Variants in TJP1 observed in about 807,000 individuals in gnomAD.
The protein encoded by TJP1 is tight junction protein ZO-1.
A neutral mutation model predicts 194.2 loss-of-function variants in TJP1; 43 were observed. That is an observed-to-expected ratio of 0.22 (90% CI 0.17 to 0.29). The LOEUF is 0.29. TJP1 is among the 10% of genes least tolerant of loss of function. TJP1 has a pLI of 1.00. For missense variants in TJP1, 1,971 were observed against 2,185.7 expected (o/e 0.90, Z 1.96); for synonymous variants, 801 against 779.0 (o/e 1.03, Z -0.47).
intron 2 of TJP1, among the ~76,000 whole-genome samples, chr15:29,919,495 T>C (rs1567196675): frequency 6.6e-6 from 1 of 152,182 alleles, no homozygotes. Flanking sequence ...GCAGTTTTCA[T>C]TCTAAGGCGG....
At chr15:29,911,847 G>A (rs1299486747) in intron 2 of TJP1, among the ~76,000 whole-genome samples, 1 of 152,154 alleles carries the variant, frequency 6.6e-6, no homozygotes, top group Non-Finnish European at 1.5e-5. Context: ...TAAGACTCAG[G>A]CTCTGGGAAC....
At chr15:29,913,738 G>A (rs2054095673) in intron 2 of TJP1, among the ~76,000 whole-genome samples, 1 of 152,096 alleles carries the variant, frequency 6.6e-6, no homozygotes, top group Admixed American at 6.6e-5. Context: ...AGTGTTGAGG[G>A]AGAGGAAGGG....
chr15:29,708,661 G>A lies in TJP1; in HGVS notation c.4748C>T (p.Pro1583Leu), dbSNP rs749943900. The A allele has an allele frequency of 6.2e-7, 1 of 1,614,102 alleles. No homozygotes were observed. Among genetic ancestry groups the A allele is most frequent in the Admixed American group, 1.7e-5 (1 of 60,010 alleles). Residue 1583 changes from proline to leucine, a missense_variant, in exon 25 of 28, where the codon CCT (proline) becomes CTT (leucine). Physicochemically the swap from Pro to Leu is moderately conservative, Grantham distance 98. Around this residue, in one of 5 missense-constraint regions of TJP1, gnomAD observed 1,108 missense variants for 1,128.5 expected, o/e 0.98. Coordinates refer to ENST00000614355, the MANE Select transcript of TJP1 (RefSeq NM_001330239.4). ...TLVKSHSLAQ[P>L]PEFDSGVETF... The stretch of plus-strand genomic sequence containing the variant: ...TTCAACTCCACTGTCAAACTCAGGA[G>A]GCTGTGCCAAACTGTGCGATTTCAC...
At chr15:29,830,990 T>C (rs903362778) in intron 2 of TJP1, among the ~76,000 whole-genome samples, 1 of 152,100 alleles carries the variant, frequency 6.6e-6, no homozygotes, top group Non-Finnish European at 1.5e-5. Flanking sequence ...AGAAAAAGAA[T>C]GCACCTGACT....
intron 11 of TJP1, among the ~76,000 whole-genome samples, chr15:29,734,779 C>T (rs1451898938): frequency 6.6e-6 from 1 of 152,056 alleles, no homozygotes; most frequent in South Asian, 2.1e-4. Flanking sequence ...AGTCACCACA[C>T]CCGGCCGAAA....
chr15:29,963,702 G>C (rs1892118699), intron 1 of TJP1, among the ~76,000 whole-genome samples: 1 of 152,178 alleles, frequency 6.6e-6, no homozygotes, highest in Admixed American at 6.5e-5. Flanking sequence ...TTGCCAGGCT[G>C]GGGTGCAGTG....
Position 29,718,808 on chromosome 15 carries a change from G to C in TJP1, c.3334C>G (p.Gln1112Glu), listed in dbSNP as rs1364680372. 1.2e-6 allele frequency: 2 copies of C among 1,614,190 alleles called. No homozygotes were observed. The highest frequency in any genetic ancestry group is 1.7e-5 in the Admixed American group (1 of 60,026). ...SRPPFDNQHS[Q>E]DLDSRQHPEE... is the part of the protein sequence containing the mutation. ...GGATGCTGTCTGGAGTCAAGGTCTT[G>C]AGAGTGCTGATTATCAAAAGGTGGC... Residue 1112 changes from glutamine to glutamate, a missense_variant, in exon 21 of 28, where the codon CAA becomes GAA. Physicochemically the swap from Gln to Glu is conservative, Grantham distance 29. Transcript: ENST00000614355.
chr15:29,787,516 T>C (rs1006435690), intron 2 of TJP1, among the ~76,000 whole-genome samples: 4 of 152,106 alleles, frequency 2.6e-5, no homozygotes, highest in African/African-American at 4.8e-5. Flanking sequence ...AGCCATCATC[T>C]CTCAATCCCC....
Position 29,773,139 on chromosome 15 carries a change from A to T in TJP1, c.209+94T>A. 3 of 1,437,350 alleles carry T rather than the reference A, an allele frequency of 2.1e-6. No homozygotes were observed. The South Asian group carries it at 4.4e-5, about 21-fold the overall frequency. 89.0% of individuals were successfully genotyped at this position (1,437,350 alleles called of 1,614,324 possible). ...ATGGCACAGGTGGAGTGTGAATATGACAAAATCACTAAGACAGTGTAAGAC... is the reference window on the plus strand; with the variant it reads ...ATGGCACAGGTGGAGTGTGAATATGTCAAAATCACTAAGACAGTGTAAGAC... On this transcript the variant is annotated intron_variant, in intron 3 of 27. Coordinates refer to ENST00000614355, the MANE Select transcript of TJP1 (RefSeq NM_001330239.4).
chr15:29,914,349 T>C (rs2152233480), intron 2 of TJP1, among the ~76,000 whole-genome samples: 1 of 152,304 alleles, frequency 6.6e-6, no homozygotes, highest in South Asian at 2.1e-4. Flanking sequence ...CTAATTGCTC[T>C]GTTAGCTCAT....
chr15:29,945,461 A>G (rs1317137694), intron 2 of TJP1, among the ~76,000 whole-genome samples: 4 of 152,188 alleles, frequency 2.6e-5, no homozygotes, highest in Admixed American at 2.0e-4. Flanking sequence ...AAACCATTCC[A>G]TTTGAGATAA....
intron 8 of TJP1, among the ~76,000 whole-genome samples, chr15:29,757,180 T>G (rs1041067285): frequency 2.6e-5 from 4 of 152,194 alleles, no homozygotes; most frequent in African/African-American, 9.7e-5. Flanking sequence ...CACTATATTC[T>G]ATCACTTCTC....
chr15:29,967,650 C>T (rs1455394568), intron 1 of TJP1, among the ~76,000 whole-genome samples: 1 of 152,134 alleles, frequency 6.6e-6, no homozygotes, highest in African/African-American at 2.4e-5. Flanking sequence ...TTTTTCTTAA[C>T]CCATCTTTTT....
At chr15:29,892,414 T>C (rs1035729475) in intron 2 of TJP1, among the ~76,000 whole-genome samples, 1 of 152,204 alleles carries the variant, frequency 6.6e-6, no homozygotes, top group Non-Finnish European at 1.5e-5. Flanking sequence ...TGATAATTGA[T>C]AAAGGTGGCT....
rs2044052919 is a variant in TJP1 at position 29,736,650 on chromosome 15, G to A, written c.1407+614C>T. ...TGAAACCGTTTATGGGGAAGGAAGG[G>A]AGGACTCTATAGACTCTACTGATAC... is the stretch of plus-strand genomic sequence containing the variant. On this transcript the variant is annotated intron_variant, in intron 11 of 27. Coordinates refer to ENST00000614355, the MANE Select transcript of TJP1 (RefSeq NM_001330239.4). 2.0e-5 allele frequency among the ~76,000 whole-genome samples: 3 copies of A among 152,326 alleles called. No individual in the cohort carries two copies. In the South Asian group the frequency reaches 6.2e-4, roughly 32 times the overall value.
intron 2 of TJP1, among the ~76,000 whole-genome samples, chr15:29,949,611 TCAC>T (rs200707181): frequency 0.11 from 2,378 of 21,814 alleles, 21 homozygotes; most frequent in East Asian, 0.32. Flanking sequence ...ACCTCCACCT[TCAC>T]CACCACCACC....
At chr15:29,907,575 A>T (rs577386202) in intron 2 of TJP1, among the ~76,000 whole-genome samples, 1 of 152,304 alleles carries the variant, frequency 6.6e-6, no homozygotes, top group East Asian at 1.9e-4. Context: ...ACATTTCTAC[A>T]ATAAACATGT....
chr15:29,750,900 A>C (rs1318187030), intron 8 of TJP1, among the ~76,000 whole-genome samples: 2 of 152,230 alleles, frequency 1.3e-5, no homozygotes, highest in Non-Finnish European at 2.9e-5. Context: ...CTCAACCACA[A>C]TTAACAATAA....
intron 8 of TJP1, 46 bp from the exon 9 acceptor site, chr15:29,742,827 G>A: frequency 2.0e-6 from 3 of 1,526,778 alleles, no homozygotes; most frequent in South Asian, 1.4e-5. Context: ...GAATGATTCT[G>A]GAAAGCATCT....
Sources: gnomAD v4.1 joint callset for allele counts (sites outside exome capture counted in the v4.1 genomes callset) on GRCh38, gnomAD v4.1.1 for gene constraint, gnomAD v4.1.1 regional missense constraint, MANE v1.5 for transcripts, NCBI Gene and HGNC (gene_info 2026-07-23, HGNC 2026-07-21) for gene names.